The following ANKDD1B variants were observed in gnomAD, a reference collection of about 807,000 sequenced individuals.
ANKDD1B encodes the protein ankyrin repeat and death domain containing 1B.
In ANKDD1B, 57 loss-of-function variants were observed where a neutral mutation model predicts 59.7. The ratio of observed to expected loss-of-function variants is 0.95; its 90% CI spans 0.77 to 1.19. ANKDD1B has a LOEUF of 1.19. ANKDD1B is among the 50% of genes most tolerant of loss of function. ANKDD1B has a pLI of 0.00. For missense variants in ANKDD1B, 602 were observed against 641.9 expected, an observed-to-expected ratio of 0.94 and a Z score of 0.67; for synonymous variants, 216 against 239.5, an observed-to-expected ratio of 0.90 and a Z score of 0.91.
intron 8 of ANKDD1B, among the ~76,000 whole-genome samples, chr5:75,655,243 T>C (rs1450012113): frequency 1.3e-5 from 2 of 151,992 alleles, no homozygotes; most frequent in African/African-American, 4.8e-5. Context: ...GGGGGCTCCA[T>C]GAAGGGCTGT....
At position 75,611,808 on chromosome 5, in the gene ANKDD1B, A is replaced by C; in HGVS notation, c.174A>C (p.Ala58=). ...AGGGTCTTGGAGAGGAGGACACAGC[A>C]GTTGCCGGACACGAGCTCCGTGAGT... is the stretch of plus-strand genomic sequence containing the variant. ...KREGLGEEDT[A]VAGHELLLPN... is the part of the protein sequence containing the mutation. Residue 58 remains alanine, a synonymous_variant, in exon 1 of 14, where the codon GCA becomes GCC. Coordinates refer to ENST00000601380, the MANE Select transcript of ANKDD1B (RefSeq NM_001276713.2). The C allele has an allele frequency of 8.1e-7, 1 of 1,231,948 alleles. No individual in the cohort carries two copies. Among genetic ancestry groups the C allele is most frequent in the Non-Finnish European group, 1.0e-6 (1 of 988,146 alleles). 76.3% of individuals were successfully genotyped at this position (1,231,948 alleles called of 1,614,324 possible).
intron 7 of ANKDD1B, among the ~76,000 whole-genome samples, chr5:75,647,998 A>T (rs1391671811): frequency 8.1e-6 from 1 of 122,764 alleles, no homozygotes; most frequent in Admixed American, 7.7e-5. Flanking sequence ...AAACTATCAC[A>T]AGAACAAAAA....
At chr5:75,640,767 C>T (rs913583678) in intron 7 of ANKDD1B, among the ~76,000 whole-genome samples, 7 of 152,212 alleles carry the variant, frequency 4.6e-5, no homozygotes, top group African/African-American at 1.7e-4. Context: ...TCTTTGGAAA[C>T]ACTGGTCCTA....
chr5:75,612,188 C>T (rs1773580313), intron 1 of ANKDD1B, among the ~76,000 whole-genome samples: 1 of 152,200 alleles, frequency 6.6e-6, no homozygotes, highest in South Asian at 2.1e-4. Context: ...ATAAGTCAGT[C>T]ACTTAATCTT....
intron 5 of ANKDD1B, among the ~76,000 whole-genome samples, chr5:75,631,404 C>T (rs1422844767): frequency 6.6e-6 from 1 of 152,190 alleles, no homozygotes; most frequent in Non-Finnish European, 1.5e-5. Flanking sequence ...TAAATTCCAT[C>T]TAGACTGGGA....
At chr5:75,657,401 A>G (rs1019855473) in intron 9 of ANKDD1B, among the ~76,000 whole-genome samples, 2 of 151,994 alleles carry the variant, frequency 1.3e-5, no homozygotes, top group Non-Finnish European at 2.9e-5. Flanking sequence ...TGAAGTCCCC[A>G]GCAAAGAAAG....
chr5:75,670,395 C>G (rs1017437109), intron 13 of ANKDD1B, among the ~76,000 whole-genome samples: 3 of 152,114 alleles, frequency 2.0e-5, no homozygotes, highest in Non-Finnish European at 4.4e-5. Context: ...ATGTAGCATT[C>G]CTATATGTGA....
Position 75,653,144 on chromosome 5 carries a change from C to A in ANKDD1B, c.801C>A (p.Leu267=). The A allele has an allele frequency of 6.5e-7, 1 of 1,534,638 alleles. No homozygotes were observed. Among genetic ancestry groups the A allele is most frequent in the South Asian group, 1.2e-5 (1 of 84,022 alleles). The change falls in exon 8 of 14, where the codon CTC becomes CTA. Residue 267 remains leucine (L), a splice_region_variant and synonymous_variant. Coordinates refer to ENST00000601380, the MANE Select transcript of ANKDD1B (RefSeq NM_001276713.2). Reference sequence around the variant, plus strand: ...GCCCTCTCTATTGTCTCTTGCAGCTCAATATCAGTAGTTTGCAGATAGCAA... The same window carrying A: ...GCCCTCTCTATTGTCTCTTGCAGCTAAATATCAGTAGTTTGCAGATAGCAA... ...QWQDINEMNE[L]NISSLQIATR...
chr5:75,628,707 A>AACTAGGCC (rs766923137), intron 5 of ANKDD1B, among the ~76,000 whole-genome samples: 4 of 152,334 alleles, frequency 2.6e-5, no homozygotes, highest in Non-Finnish European at 5.9e-5. Flanking sequence ...AAATGGATTT[A>AACTAGGCC]ACTAGGCCAG....
At chr5:75,635,617 T>C (rs183712450) in intron 6 of ANKDD1B, 167 bp from the exon 7 acceptor site, 2 of 411,048 alleles carry the variant, frequency 4.9e-6, no homozygotes, top group African/African-American at 4.1e-5. Context: ...ATTTAAAACT[T>C]AAAAATGTAT....
chr5:75,654,016 G>A (rs1034096520), intron 8 of ANKDD1B, among the ~76,000 whole-genome samples: 1 of 152,216 alleles, frequency 6.6e-6, no homozygotes, highest in African/African-American at 2.4e-5. Context: ...ATGCTTTCTC[G>A]TTTTTCATGC....
intron 2 of ANKDD1B, among the ~76,000 whole-genome samples, chr5:75,617,157 G>A (rs1773736687): frequency 6.6e-6 from 1 of 152,144 alleles, no homozygotes; most frequent in Non-Finnish European, 1.5e-5. Context: ...TTCAAAGTCT[G>A]TGGGTGGGCA....
At chr5:75,627,596 AGTATCAGAATAAGG>A (rs1272744356) in intron 5 of ANKDD1B, among the ~76,000 whole-genome samples, 1 of 152,270 alleles carries the variant, frequency 6.6e-6, no homozygotes. Context: ...AATGCTATTT[AGTATCAGAATAAGG>A]AAGTTGAATC....
chr5:75,649,347 C>T (rs1043860404), intron 7 of ANKDD1B, among the ~76,000 whole-genome samples: 1 of 149,296 alleles, frequency 6.7e-6, no homozygotes, highest in Non-Finnish European at 1.5e-5. Flanking sequence ...AAAATGCAAC[C>T]TACAAATTGT....
At chr5:75,661,201 G>A (rs1317277117) in intron 10 of ANKDD1B, among the ~76,000 whole-genome samples, 5 of 150,796 alleles carry the variant, frequency 3.3e-5, no homozygotes, top group African/African-American at 2.4e-5. Context: ...GTTTGAGACC[G>A]GCCTGACCAA....
chr5:75,628,642 A>G (rs1774058955), intron 5 of ANKDD1B, among the ~76,000 whole-genome samples: 1 of 152,194 alleles, frequency 6.6e-6, no homozygotes, highest in Admixed American at 6.5e-5. Context: ...TTTGGCCTGG[A>G]GGGAACTCCA....
chr5:75,648,132 T>G (rs1774693001), intron 7 of ANKDD1B, among the ~76,000 whole-genome samples: 1 of 102,170 alleles, frequency 9.8e-6, no homozygotes, highest in Non-Finnish European at 1.9e-5. Flanking sequence ...GGGATAGCAT[T>G]GGGAGATATA....
At chr5:75,653,791 TC>T (rs1472007116) in intron 8 of ANKDD1B, among the ~76,000 whole-genome samples, 1 of 152,226 alleles carries the variant, frequency 6.6e-6, no homozygotes, top group Non-Finnish European at 1.5e-5. Context: ...TTTCCTCTGA[TC>T]TTGCTGAGCC....
intron 7 of ANKDD1B, among the ~76,000 whole-genome samples, chr5:75,649,840 C>T (rs886615051): frequency 6.6e-6 from 1 of 152,318 alleles, no homozygotes. Context: ...GTCCACTGAT[C>T]TGCTGATCTA....
Sources: gnomAD v4.1 joint callset for allele counts (sites outside exome capture counted in the v4.1 genomes callset) on GRCh38, gnomAD v4.1.1 for gene constraint, MANE v1.5 for transcripts, NCBI Gene and HGNC (gene_info 2026-07-23, HGNC 2026-07-21) for gene names.